Variants in DISP3 observed in about 807,000 individuals in gnomAD.
DISP3 encodes the protein protein dispatched homolog 3.
DISP3 carries 101 observed loss-of-function variants against 135.3 expected under a neutral mutation model. The observed-to-expected ratio is 0.75, with a 90% confidence interval of 0.64 to 0.88. DISP3 has a LOEUF of 0.88. Ranked by LOEUF, DISP3 falls within the 40% of genes least tolerant of loss-of-function variation. The pLI is 0.00. For missense variants in DISP3, 1,713 were observed against 1,878.6 expected, an observed-to-expected ratio of 0.91 and a Z score of 1.63; for synonymous variants, 856 against 817.0, an observed-to-expected ratio of 1.05 and a Z score of -0.81.
rs200742390 is a variant in DISP3, at chr1:11,502,112, G to T, written c.1096+24G>T. On this transcript the variant is annotated intron_variant, in intron 2 of 20. Coordinates refer to ENST00000294484, the MANE Select transcript of DISP3 (RefSeq NM_020780.2). Reference sequence around the variant, plus strand: ...GGGTGAGCCGCCGGGATGCTGGGAGGGGGCGTAGGTCCAGGTTTCATACAG... The same window carrying T: ...GGGTGAGCCGCCGGGATGCTGGGAGTGGGCGTAGGTCCAGGTTTCATACAG... 1.1e-3 allele frequency: 1,670 copies of T among 1,532,752 alleles called. 2 individuals are homozygous for T. The highest frequency in any genetic ancestry group is 1.3e-3 in the Non-Finnish European group (1,510 of 1,142,650). 94.9% of individuals were successfully genotyped at this position (1,532,752 alleles called of 1,614,324 possible).
rs1557622362 is a variant in DISP3, at chr1:11,531,036, G to A, written c.3229+3G>A. On this transcript the variant is annotated splice_donor_region_variant and intron_variant, in intron 16 of 20. Coordinates refer to ENST00000294484, the MANE Select transcript of DISP3 (RefSeq NM_020780.2). The surrounding 1 kb of genome is among the most constrained non-coding windows in gnomAD (Gnocchi z 5.2). Reference sequence around the variant, plus strand: ...TGGGGCCCAGTGCCTGCCTTCAGGTGCGTGGGGTGTGGGGAGCTGGTTCCT... The same window carrying A: ...TGGGGCCCAGTGCCTGCCTTCAGGTACGTGGGGTGTGGGGAGCTGGTTCCT... 1 of 1,613,378 alleles carries A rather than the reference G, an allele frequency of 6.2e-7. No homozygotes were observed. Among genetic ancestry groups the A allele is most frequent in the Non-Finnish European group, 8.5e-7 (1 of 1,179,932 alleles).
In DISP3 at chr1:11,479,265, C is replaced by T. The variant is rs1427697531; in HGVS notation, c.-111C>T. The T allele has an allele frequency of 1.9e-5, 3 of 159,662 alleles. No individual in the cohort carries two copies. In the Admixed American group the frequency reaches 2.0e-4, roughly 10 times the overall value. 9.9% of individuals were successfully genotyped at this position (159,662 alleles called of 1,614,324 possible). On this transcript the variant is annotated 5_prime_UTR_variant, in exon 1 of 21. Transcript: ENST00000294484. Reference sequence around the variant, plus strand: ...GGCTCCGAGAAGCTTCCCCCTGCGACTTCCGCGAGGAGACGAGTCTGCGCA... The same window carrying T: ...GGCTCCGAGAAGCTTCCCCCTGCGATTTCCGCGAGGAGACGAGTCTGCGCA...
intron 3 of DISP3, 112 bp from the exon 4 acceptor site, chr1:11,514,278 G>T: frequency 1.6e-6 from 2 of 1,282,652 alleles, no homozygotes; most frequent in Non-Finnish European, 2.2e-6. Flanking sequence ...AACCAAGGTA[G>T]AGTCACAGGT....
At chr1:11,492,515 G>T (rs897071515) in intron 1 of DISP3, among the ~76,000 whole-genome samples, 14 of 152,160 alleles carry the variant, frequency 9.2e-5, no homozygotes, top group Non-Finnish European at 1.5e-4. Flanking sequence ...GAAATGGGGG[G>T]CTTGGACAGG....
In DISP3 at chr1:11,537,538, G is replaced by A. The variant is rs1475884289; in HGVS notation, c.*852G>A. 1.3e-5 allele frequency: 2 copies of A among 152,344 alleles called. No individual in the cohort carries two copies. Among genetic ancestry groups the A allele is most frequent in the Non-Finnish European group, 2.9e-5 (2 of 68,102 alleles). 9.4% of individuals were successfully genotyped at this position (152,344 alleles called of 1,614,324 possible). The stretch of plus-strand genomic sequence containing the variant: ...CACGGCAGAAGGTTGCTATTAAAAT[G>A]ACATAGGATTGCAGACTGCTGCTGT... On this transcript the variant is annotated 3_prime_UTR_variant, in exon 21 of 21. Transcript: ENST00000294484.
chr1:11,534,577 AG>A (rs1642658639), intron 18 of DISP3, 37 bp downstream of exon 18: 1 of 1,571,378 alleles, frequency 6.4e-7, no homozygotes, highest in Non-Finnish European at 8.6e-7. Flanking sequence ...CTGGGTGGGC[AG>A]GAGGCAGAGG....
At chr1:11,527,534 C>T (rs1432634347) in intron 13 of DISP3, among the ~76,000 whole-genome samples, 4 of 148,070 alleles carry the variant, frequency 2.7e-5, no homozygotes, top group Admixed American at 2.7e-4. Context: ...GGCAACAGAG[C>T]GAGACTCCAT....
chr1:11,511,665 A>G (rs143205422), intron 3 of DISP3, among the ~76,000 whole-genome samples: 1 of 152,260 alleles, frequency 6.6e-6, no homozygotes, highest in African/African-American at 2.4e-5. Context: ...GCAAGCTGTC[A>G]GTGGATCTAC....
intron 12 of DISP3, among the ~76,000 whole-genome samples, chr1:11,526,000 A>G (rs1372923015): frequency 6.6e-6 from 1 of 152,082 alleles, no homozygotes; most frequent in Non-Finnish European, 1.5e-5. Flanking sequence ...TTTTGTAGAG[A>G]CAGGGTCTCT....
chr1:11,504,653 C>T (rs568531627), intron 3 of DISP3, among the ~76,000 whole-genome samples: 1 of 152,294 alleles, frequency 6.6e-6, no homozygotes, highest in African/African-American at 2.4e-5. Context: ...GGATTAGTTC[C>T]TGAGAGAGCA....
intron 15 of DISP3, 96 bp from the exon 16 acceptor site, chr1:11,530,811 T>C: frequency 6.6e-7 from 1 of 1,505,394 alleles, no homozygotes; most frequent in South Asian, 1.2e-5. Context: ...AGCAGGAAGC[T>C]GCTGGAGGTT....
Position 11,479,170 on chromosome 1 carries a change from G to A in DISP3, c.-206G>A, listed in dbSNP as rs562696660. 1.3e-5 allele frequency: 2 copies of A among 156,426 alleles called. No homozygotes were observed. The highest frequency in any genetic ancestry group is 2.9e-5 in the Non-Finnish European group (2 of 68,214). 9.7% of individuals were successfully genotyped at this position (156,426 alleles called of 1,614,324 possible). A position where few individuals can be genotyped will look rare whatever the true frequency, so the allele number is the denominator to read the frequency against. ...CGGAGTGCTCGGGTTGCGAGCTGAG[G>A]ACTGGGATTCGCGCGCAGCTTCCCG... On this transcript the variant is annotated 5_prime_UTR_variant, in exon 1 of 21. Transcript: ENST00000294484.
intron 10 of DISP3, among the ~76,000 whole-genome samples, chr1:11,522,626 A>C: frequency 1.9e-5 from 1 of 53,352 alleles, no homozygotes; most frequent in East Asian, 5.1e-4. Flanking sequence ...GGACCCAGCC[A>C]GAGCCCAGCC....
At chr1:11,527,053 C>T (rs779111253) in intron 13 of DISP3, among the ~76,000 whole-genome samples, 3 of 152,094 alleles carry the variant, frequency 2.0e-5, no homozygotes, top group Non-Finnish European at 4.4e-5. Flanking sequence ...GCCTCATCCT[C>T]CTGAGTAGCT....
chr1:11,482,216 G>A (rs1309092348), intron 1 of DISP3, among the ~76,000 whole-genome samples: 1 of 152,192 alleles, frequency 6.6e-6, no homozygotes, highest in Non-Finnish European at 1.5e-5. Flanking sequence ...CTCCCAAGTG[G>A]CAGACACTGG....
chr1:11,529,552 A>C lies in DISP3; in HGVS notation c.2799-4A>C. The C allele has an allele frequency of 6.5e-7, 1 of 1,548,994 alleles. No individual in the cohort carries two copies. The highest frequency in any genetic ancestry group is 8.7e-7 in the Non-Finnish European group (1 of 1,145,230). Reference sequence around the variant, plus strand: ...CCTCAGCCCAGCCTCCATTCCCTCCACAGGAAGCTGTACTTCGCCCAGTCC... The same window carrying C: ...CCTCAGCCCAGCCTCCATTCCCTCCCCAGGAAGCTGTACTTCGCCCAGTCC... On this transcript the variant is annotated splice_polypyrimidine_tract_variant and splice_region_variant and intron_variant, in intron 13 of 20. Transcript: ENST00000294484. The surrounding 1 kb of genome is among the most constrained non-coding windows in gnomAD (Gnocchi z 4.7).
intron 10 of DISP3, among the ~76,000 whole-genome samples, chr1:11,521,280 A>G (rs1432903852): frequency 1.1e-5 from 1 of 92,522 alleles, no homozygotes; most frequent in Non-Finnish European, 2.1e-5. Context: ...GGGGTCAACC[A>G]GGTGGGGAGG....
rs776792055 is a variant in DISP3, at chr1:11,530,000, G to A, written c.3102+41G>A. On this transcript the variant is annotated intron_variant, in intron 15 of 20. Transcript: ENST00000294484. The surrounding 1 kb of genome is among the most constrained non-coding windows in gnomAD (Gnocchi z 4.7). ...CGGGCAGATGCCGAGGGCCCCAGCT[G>A]CAACAGTCTTGCAAATAAGCACCTG... 5.0e-6 allele frequency: 8 copies of A among 1,595,824 alleles called. No homozygotes were observed. The African/African-American group carries it at 9.4e-5, about 19-fold the overall frequency.
intron 1 of DISP3, among the ~76,000 whole-genome samples, chr1:11,496,330 T>C (rs1050373479): frequency 1.3e-5 from 2 of 152,144 alleles, no homozygotes; most frequent in African/African-American, 4.8e-5. Flanking sequence ...GCCCAGAGTT[T>C]AATTTTTGAC....
Sources: allele counts gnomAD v4.1 joint callset (sites outside exome capture counted in the v4.1 genomes callset), GRCh38; gene constraint gnomAD v4.1.1; non-coding constraint Gnocchi (gnomAD v3.1); transcripts MANE v1.5; gene names NCBI Gene and HGNC (gene_info 2026-07-23, HGNC 2026-07-21).